MYH16: variants seen among roughly 807,000 people sequenced by gnomAD.
The protein encoded by MYH16 is putative uncharacterized protein MYH16.
intron 27 of MYH16, 89 bp downstream of exon 9, chr7:99,285,527 C>A: frequency 2.3e-6 from 1 of 442,330 alleles, no homozygotes; most frequent in Non-Finnish European, 4.5e-6. Context: ...GCTAAGGAAA[C>A]CAGTAGAGAA....
chr7:99,263,882 T>C (rs908794282), intron 14 of MYH16, among the ~76,000 whole-genome samples: 5 of 152,126 alleles, frequency 3.3e-5, no homozygotes, highest in Non-Finnish European at 7.4e-5. Flanking sequence ...CCCCATAGGG[T>C]TGCCAATTAG....
chr7:99,247,068 C>A (rs189566582), intron 2 of MYH16, among the ~76,000 whole-genome samples: 2 of 152,102 alleles, frequency 1.3e-5, no homozygotes, highest in African/African-American at 4.8e-5. Flanking sequence ...TGTAATTAAA[C>A]CAAAAGAAAA....
At chr7:99,249,658 C>T (rs1469271655) in intron 4 of MYH16, among the ~76,000 whole-genome samples, 3 of 139,418 alleles carry the variant, frequency 2.2e-5, no homozygotes, top group South Asian at 2.5e-4. Context: ...TGGGTTCAAG[C>T]GATTCTGCTG....
intron 2 of MYH16, among the ~76,000 whole-genome samples, chr7:99,246,206 T>TA (rs111736161): frequency 0.13 from 12,974 of 100,370 alleles, 839 homozygotes; most frequent in African/African-American, 0.23. Flanking sequence ...GCTCTGTCTC[T>TA]AAAAAAAAAA....
chr7:99,264,533 G>A (rs1432770378), intron 15 of MYH16, among the ~76,000 whole-genome samples: 3 of 152,178 alleles, frequency 2.0e-5, no homozygotes, highest in African/African-American at 7.2e-5. Context: ...GCGTGATCAC[G>A]CGAGATAGCA....
At chr7:99,241,934 C>T (rs1791672219) in intron 1 of MYH16, among the ~76,000 whole-genome samples, 1 of 151,558 alleles carries the variant, frequency 6.6e-6, no homozygotes, top group African/African-American at 2.4e-5. Flanking sequence ...GATCTCCGCT[C>T]ACTGCAACCC....
chr7:99,300,272 G>C (rs1792572164), intron 37 of MYH16, among the ~76,000 whole-genome samples: 1 of 152,092 alleles, frequency 6.6e-6, no homozygotes, highest in Non-Finnish European at 1.5e-5. Flanking sequence ...GTCTTGATTT[G>C]TAAAATCATT....
intron 14 of MYH16, among the ~76,000 whole-genome samples, chr7:99,263,960 G>C (rs1791963957): frequency 6.6e-6 from 1 of 152,196 alleles, no homozygotes; most frequent in African/African-American, 2.4e-5. Flanking sequence ...GTCTATGGGT[G>C]CTTCTTCCTC....
chr7:99,260,496 GTGACTGCAATGACTA>G, intron 12 of MYH16: 1 of 398,742 alleles, frequency 2.5e-6, no homozygotes, highest in Non-Finnish European at 4.7e-6. Flanking sequence ...GGGTACTGAA[GTGACTGCAATGACTA>G]CTGTTTGTTG....
At chr7:99,248,464 T>G (rs935120557) in intron 3 of MYH16, among the ~76,000 whole-genome samples, 1 of 152,212 alleles carries the variant, frequency 6.6e-6, no homozygotes, top group Non-Finnish European at 1.5e-5. Flanking sequence ...GGTGCAATCT[T>G]AGCTCACCGC....
rs201230482 is a variant in MYH16 at position 99,302,317 on chromosome 7, TACACACACACACACACACAC to T, written n.5137+541_5137+560del. Among the ~76,000 whole-genome samples, 262 of 95,568 alleles carry T rather than the reference TACACACACACACACACACAC, an allele frequency of 2.7e-3. 2 individuals are homozygous for T. Among genetic ancestry groups the T allele is most frequent in the East Asian group, 0.018 (64 of 3,556 alleles). 62.7% of individuals were successfully genotyped at this position (95,568 alleles called of 152,430 possible). The stretch of plus-strand genomic sequence containing the variant: ...ACCATCTCAAAAAAAAAAAAATATA[TACACACACACACACACACAC>T]ACACACACACACACACACACACACA... On this transcript the variant is annotated intron_variant and non_coding_transcript_variant, in intron 38 of 41. Transcript: ENST00000439784.
intron 21 of MYH16, among the ~76,000 whole-genome samples, chr7:99,278,587 G>A (rs1562780650): frequency 6.6e-6 from 1 of 152,104 alleles, no homozygotes; most frequent in Non-Finnish European, 1.5e-5. Context: ...TAAGACACTC[G>A]ATTTTCACGT....
intron 30 of MYH16, among the ~76,000 whole-genome samples, chr7:99,289,733 A>G (rs1792341682): frequency 6.6e-6 from 1 of 152,246 alleles, no homozygotes; most frequent in African/African-American, 2.4e-5. Context: ...TCAACGATTT[A>G]TTTAACTCCT....
At chr7:99,292,960 TAA>T (rs35832231) in intron 32 of MYH16, among the ~76,000 whole-genome samples, 39,625 of 143,368 alleles carry the variant, frequency 0.28, 10,770 homozygotes, top group African/African-American at 0.71. Context: ...ATCCTGTCTC[TAA>T]AAAAAAAAAA....
intron 33 of MYH16, among the ~76,000 whole-genome samples, chr7:99,295,574 A>G (rs773697824): frequency 2.6e-5 from 4 of 152,148 alleles, no homozygotes; most frequent in Admixed American, 6.6e-5. Flanking sequence ...AGATGGAACC[A>G]TGATTCATGC....
At chr7:99,256,643 C>T (rs372350134) in intron 9 of MYH16, among the ~76,000 whole-genome samples, 20 of 152,220 alleles carry the variant, frequency 1.3e-4, no homozygotes, top group African/African-American at 3.4e-4. Context: ...GGCATGGTGG[C>T]GCATGCCTGT....
intron 33 of MYH16, among the ~76,000 whole-genome samples, chr7:99,295,260 T>A (rs1488290565): frequency 6.6e-6 from 1 of 151,534 alleles, no homozygotes; most frequent in East Asian, 2.0e-4. Context: ...GCACCTGTAG[T>A]CCCAGCTACT....
chr7:99,286,864 G>A (rs1792287099), intron 28 of MYH16, among the ~76,000 whole-genome samples: 1 of 151,982 alleles, frequency 6.6e-6, no homozygotes, highest in Admixed American at 6.6e-5. Context: ...TAAAGAAGGA[G>A]GATCACTTGA....
At chr7:99,292,151 T>C (rs1023460903) in intron 31 of MYH16, among the ~76,000 whole-genome samples, 161 bp from the exon 13 acceptor site, 2 of 152,218 alleles carry the variant, frequency 1.3e-5, no homozygotes, top group Non-Finnish European at 2.9e-5. Context: ...AAAGAAGTCA[T>C]AGGATGAAAA....
Sources: allele counts gnomAD v4.1 joint callset (sites outside exome capture counted in the v4.1 genomes callset), GRCh38; gene constraint gnomAD v4.1.1; transcripts MANE v1.5; gene names NCBI Gene and HGNC (gene_info 2026-07-23, HGNC 2026-07-21).